Variants in FBXO11 observed in about 807,000 individuals in gnomAD.
FBXO11 encodes the protein F-box protein 11.
A neutral mutation model predicts 117.0 loss-of-function variants in FBXO11; 13 were observed. The observed-to-expected ratio is 0.11, with a 90% CI of 0.07 to 0.18. The LOEUF (loss-of-function observed/expected upper bound fraction) is 0.18, where lower values mean the gene tolerates loss of function less well. FBXO11 is among the 10% of genes least tolerant of loss of function. The pLI, the probability that FBXO11 is intolerant of heterozygous loss-of-function variation, is 1.00. For missense variants in FBXO11, 767 were observed against 1,164.4 expected (o/e 0.66, Z 4.97); for synonymous variants, 490 against 380.5 (o/e 1.29, Z -3.35).
intron 1 of FBXO11, among the ~76,000 whole-genome samples, chr2:47,866,169 C>A (rs1675178894): frequency 6.6e-6 from 1 of 150,392 alleles, no homozygotes; most frequent in African/African-American, 2.5e-5. Context: ...ACTCCTGAGC[C>A]CAGGAGTTTG....
intron 1 of FBXO11, among the ~76,000 whole-genome samples, chr2:47,842,010 GTTTTAT>G (rs1558433445): frequency 6.7e-6 from 1 of 149,632 alleles, no homozygotes; most frequent in Non-Finnish European, 1.5e-5. Context: ...GAGAATATCA[GTTTTAT>G]TTTTATTTTT....
At chr2:47,825,926 C>T (rs1671721689) in intron 11 of FBXO11, among the ~76,000 whole-genome samples, 1 of 151,770 alleles carries the variant, frequency 6.6e-6, no homozygotes, top group Non-Finnish European at 1.5e-5. Flanking sequence ...AAATTTGATA[C>T]CTCTGAATGC....
intron 19 of FBXO11, chr2:47,809,928 G>C (rs1391932019): frequency 3.8e-6 from 2 of 525,332 alleles, no homozygotes; most frequent in African/African-American, 3.9e-5. Context: ...CAACCTAACT[G>C]TCTTAAAGTT....
intron 1 of FBXO11, among the ~76,000 whole-genome samples, chr2:47,890,834 T>A (rs1458864670): frequency 6.6e-6 from 1 of 151,980 alleles, no homozygotes; most frequent in African/African-American, 2.4e-5. Flanking sequence ...ATTATTATTA[T>A]TGAGACACAG....
chr2:47,876,635 G>C (rs1676027077), intron 1 of FBXO11, among the ~76,000 whole-genome samples: 1 of 152,190 alleles, frequency 6.6e-6, no homozygotes, highest in Non-Finnish European at 1.5e-5. Flanking sequence ...TAATATTTTA[G>C]TGTAGGGACT....
At chr2:47,829,801 TAA>T (rs767330741) in intron 11 of FBXO11, among the ~76,000 whole-genome samples, 24 of 151,772 alleles carry the variant, frequency 1.6e-4, no homozygotes, top group Non-Finnish European at 3.2e-4. Context: ...ATCCAGAGTG[TAA>T]AAAAGGTAGT....
At chr2:47,880,458 GCTC>G (rs1213236470) in intron 1 of FBXO11, among the ~76,000 whole-genome samples, 9 of 151,842 alleles carry the variant, frequency 5.9e-5, no homozygotes, top group Admixed American at 1.3e-4. Flanking sequence ...AGTTTTCCTG[GCTC>G]CTTTCTTGTT....
Position 47,808,254 on chromosome 2 carries a change from C to G in FBXO11, c.2655-7G>C, listed in dbSNP as rs1190466578. On this transcript the variant is annotated splice_region_variant and splice_polypyrimidine_tract_variant and intron_variant, in intron 22 of 22. Coordinates refer to ENST00000403359, the MANE Select transcript of FBXO11 (RefSeq NM_001190274.2). ...ACCACAGTCACAGAAAAACCTAAAG[C>G]AAAATGAAACCCAAATATTAGAAAA... is the stretch of plus-strand genomic sequence containing the variant. The G allele has an allele frequency of 6.2e-7, 1 of 1,612,588 alleles. No homozygotes were observed.
intron 1 of FBXO11, among the ~76,000 whole-genome samples, chr2:47,840,963 C>T (rs1417153063): frequency 6.6e-6 from 1 of 152,046 alleles, no homozygotes. Flanking sequence ...CTTTGGGAGG[C>T]CAAGGTGGGC....
chr2:47,896,330 C>CTTTTCT (rs1553360326), intron 1 of FBXO11, among the ~76,000 whole-genome samples: 12,065 of 142,916 alleles, frequency 0.084, 569 homozygotes, highest in Non-Finnish European at 0.11. Context: ...TGTTTCTTTT[C>CTTTTCT]TTTTTTTTTT....
chr2:47,892,782 A>C (rs993154867), intron 1 of FBXO11, among the ~76,000 whole-genome samples: 3 of 152,212 alleles, frequency 2.0e-5, no homozygotes, highest in African/African-American at 7.2e-5. Flanking sequence ...AAAACAATGA[A>C]TATAATGAAA....
At chr2:47,870,055 G>A (rs1349405279) in intron 1 of FBXO11, among the ~76,000 whole-genome samples, 1 of 152,198 alleles carries the variant, frequency 6.6e-6, no homozygotes, top group Non-Finnish European at 1.5e-5. Flanking sequence ...TTCAGTGGAA[G>A]ATCTGAATAA....
At chr2:47,882,273 A>G (rs1038813207) in intron 1 of FBXO11, among the ~76,000 whole-genome samples, 1 of 152,134 alleles carries the variant, frequency 6.6e-6, no homozygotes, top group Non-Finnish European at 1.5e-5. Context: ...CTGGGGTTGA[A>G]TGTTGTGGAG....
At chr2:47,860,105 G>A (rs1330278111) in intron 1 of FBXO11, among the ~76,000 whole-genome samples, 1 of 152,178 alleles carries the variant, frequency 6.6e-6, no homozygotes, top group Admixed American at 6.5e-5. Flanking sequence ...GAGAGCTTAA[G>A]AGGTTTTTTC....
In FBXO11 at chr2:47,905,613, GGGCGGCTGCGGC is replaced by G. The variant is rs770886918; in HGVS notation, c.96_107del (p.Pro33_Pro36del). On this transcript the variant is annotated inframe_deletion, in exon 1 of 23. Transcript: ENST00000403359. Reference sequence around the variant, plus strand: ...GCTGCTGCTGGGGCGGCTGCTGCTGGGGCGGCTGCGGCGGCGGCTGCTGCGGGGGCTGCTGCT... The same window carrying G: ...GCTGCTGCTGGGGCGGCTGCTGCTGGGGCGGCTGCTGCGGGGGCTGCTGCT... 6.3e-4 allele frequency: 853 copies of G among 1,360,114 alleles called. 3 individuals carry two copies. Among genetic ancestry groups the G allele is most frequent in the South Asian group, 1.3e-3 (74 of 57,996 alleles). The allele number at this position is 1,360,114 out of a possible 1,614,324, so 84.3% of individuals were successfully genotyped here.
chr2:47,837,480 T>C (rs926526384), intron 4 of FBXO11, among the ~76,000 whole-genome samples: 5 of 152,300 alleles, frequency 3.3e-5, no homozygotes, highest in African/African-American at 1.2e-4. Context: ...TGAGTCAAGA[T>C]TGTGCCACTG....
intron 21 of FBXO11, 69 bp downstream of exon 21, chr2:47,809,089 T>C: frequency 2.1e-6 from 2 of 960,302 alleles, no homozygotes; most frequent in Non-Finnish European, 3.2e-6. Flanking sequence ...CCAAAAATGC[T>C]AGGCATTGCT....
chr2:47,821,298 C>CA (rs1671361952), intron 13 of FBXO11, among the ~76,000 whole-genome samples: 1 of 151,844 alleles, frequency 6.6e-6, no homozygotes, highest in African/African-American at 2.4e-5. Flanking sequence ...GCCAACATGG[C>CA]AAAACCTGTC....
intron 1 of FBXO11, among the ~76,000 whole-genome samples, chr2:47,899,138 G>C (rs1279410441): frequency 6.6e-6 from 1 of 151,942 alleles, no homozygotes; most frequent in African/African-American, 2.4e-5. Context: ...GCCGGGCGTG[G>C]TGGTGGGCAC....
Sources: gnomAD v4.1 joint callset for allele counts (sites outside exome capture counted in the v4.1 genomes callset) on GRCh38, gnomAD v4.1.1 for gene constraint, MANE v1.5 for transcripts, NCBI Gene and HGNC (gene_info 2026-07-23, HGNC 2026-07-21) for gene names.